The following BRCA1 variants were observed in gnomAD, a reference collection of about 807,000 sequenced individuals.
The protein encoded by BRCA1 is breast cancer type 1 susceptibility protein.
BRCA1 carries 140 observed loss-of-function variants against 173.7 expected under a neutral mutation model. That is an observed-to-expected ratio of 0.81 (90% CI 0.70 to 0.93). The LOEUF (loss-of-function observed/expected upper bound fraction) is 0.93. BRCA1 is among the 40% of genes least tolerant of loss of function. The probability of loss-of-function intolerance (pLI) is 0.00; values close to 1 mark genes in which losing one functional copy is unlikely to be tolerated. For missense variants in BRCA1, 1,983 were observed against 2,172.5 expected, an observed-to-expected ratio of 0.91 and a Z score of 1.73; for synonymous variants, 662 against 756.0, an observed-to-expected ratio of 0.88 and a Z score of 2.04.
At chr17:43,112,890 G>A (rs901755079) in intron 3 of BRCA1, among the ~76,000 whole-genome samples, 1 of 151,162 alleles carries the variant, frequency 6.6e-6, no homozygotes. Context: ...TGCAACCTCC[G>A]CCTCCCAGGT....
At chr17:43,168,584 A>G (rs534930622) in intron 1 of BRCA1, among the ~76,000 whole-genome samples, 2 of 152,362 alleles carry the variant, frequency 1.3e-5, no homozygotes, top group South Asian at 4.1e-4. Context: ...GGTTGCGGTG[A>G]GCCCAAATCA....
rs1347029221 is a variant in BRCA1 at position 43,045,052 on chromosome 17, C to A, written c.*626G>T. 1.9e-6 allele frequency: 1 copy of A among 514,004 alleles called. No individual in the cohort carries two copies. Among genetic ancestry groups the A allele is most frequent in the Non-Finnish European group, 3.8e-6 (1 of 263,700 alleles). 31.8% of individuals were successfully genotyped at this position (514,004 alleles called of 1,614,324 possible). Reference sequence around the variant, plus strand: ...CTCCTGACCTCCAGTGATCTGCCCACCTTGGCCTCCCAAAGTGCTGGGATT... The same window carrying A: ...CTCCTGACCTCCAGTGATCTGCCCAACTTGGCCTCCCAAAGTGCTGGGATT... On this transcript the variant is annotated 3_prime_UTR_variant, in exon 23 of 23. Coordinates refer to ENST00000357654, the MANE Select transcript of BRCA1 (RefSeq NM_007294.4).
chr17:43,101,257 C>T (rs776621395), intron 6 of BRCA1, among the ~76,000 whole-genome samples: 2 of 151,756 alleles, frequency 1.3e-5, no homozygotes, highest in Admixed American at 1.3e-4. Flanking sequence ...AGCGTGGTGG[C>T]GTGATCTCGG....
At chr17:43,073,160 G>A (rs1246921763) in intron 14 of BRCA1, among the ~76,000 whole-genome samples, 2 of 151,866 alleles carry the variant, frequency 1.3e-5, no homozygotes, top group Non-Finnish European at 2.9e-5. Context: ...AACAAGACCC[G>A]TGTCTAACCC....
intron 11 of BRCA1, among the ~76,000 whole-genome samples, chr17:43,084,320 A>G (rs2053145540): frequency 6.7e-6 from 1 of 150,220 alleles, no homozygotes; most frequent in Non-Finnish European, 1.5e-5. Flanking sequence ...GTGAGCCACC[A>G]CACCTGGCCT....
chr17:43,084,179 C>T (rs937991580), intron 11 of BRCA1, among the ~76,000 whole-genome samples: 5 of 152,040 alleles, frequency 3.3e-5, no homozygotes, highest in African/African-American at 2.4e-5. Context: ...TACAGGCGCC[C>T]GCCACCATGC....
intron 12 of BRCA1, among the ~76,000 whole-genome samples, chr17:43,080,313 T>C (rs2052945350): frequency 6.6e-6 from 1 of 152,286 alleles, no homozygotes; most frequent in Non-Finnish European, 1.5e-5. Context: ...CCAGGCACCG[T>C]AGCTCCCAAG....
At chr17:43,122,284 C>T (rs1215776284) in intron 2 of BRCA1, among the ~76,000 whole-genome samples, 2 of 152,116 alleles carry the variant, frequency 1.3e-5, no homozygotes, top group African/African-American at 4.8e-5. Flanking sequence ...GAATGTTACT[C>T]ACTACTAACC....
At chr17:43,119,179 T>A (rs1177483658) in intron 2 of BRCA1, 5 of 213,874 alleles carry the variant, frequency 2.3e-5, no homozygotes, top group Non-Finnish European at 4.7e-5. Flanking sequence ...TAGAAAAGGA[T>A]CACAAGGGCC....
At chr17:43,164,447 C>T (rs1175108599) in intron 1 of BRCA1, 1 of 152,090 alleles carries the variant, frequency 6.6e-6, no homozygotes, top group African/African-American at 2.4e-5. Flanking sequence ...TTGGCAAGTC[C>T]CCACAGGGTA....
chr17:43,076,397 G>A (rs2154054039), intron 13 of BRCA1, 91 bp downstream of exon 13: 1 of 1,509,886 alleles, frequency 6.6e-7, no homozygotes, highest in Non-Finnish European at 9.1e-7. Flanking sequence ...GCAAAAAACT[G>A]GAGAAAGTAT....
Position 43,104,191 on chromosome 17 carries a change from G to A in BRCA1, c.372C>T (p.Ile124=), listed in dbSNP as rs273900715. 1 of 1,613,782 alleles carries A rather than the reference G, an allele frequency of 6.2e-7. No individual in the cohort carries two copies. The highest frequency in any genetic ancestry group is 1.3e-5 in the African/African-American group (1 of 74,932). ...GGTTTCTGTAGCCCATACTTTGGAT[G>A]ATAGAAACTTCATCTTTTAGATGTT... is the stretch of plus-strand genomic sequence containing the variant. ...SPEHLKDEVS[I]IQSMGYRNRA... is the part of the protein sequence containing the mutation. The change falls in exon 6 of 23, where the codon ATC becomes ATT. Residue 124 remains isoleucine (I), a synonymous_variant. Transcript: ENST00000357654.
chr17:43,046,917 A>C (rs2050940680), intron 22 of BRCA1, among the ~76,000 whole-genome samples: 1 of 152,154 alleles, frequency 6.6e-6, no homozygotes, highest in African/African-American at 2.4e-5. Context: ...ACAGCACTGT[A>C]ATTTAACGAT....
chr17:43,058,822 A>T (rs570502555), intron 18 of BRCA1, among the ~76,000 whole-genome samples: 7 of 152,328 alleles, frequency 4.6e-5, no homozygotes, highest in South Asian at 2.1e-4. Flanking sequence ...GAGGTTTTTC[A>T]TAATTACTAT....
At chr17:43,089,783 G>T (rs376868298) in intron 11 of BRCA1, among the ~76,000 whole-genome samples, 18 of 151,938 alleles carry the variant, frequency 1.2e-4, no homozygotes, top group African/African-American at 4.3e-4. Context: ...GCTGAGGTGG[G>T]ATCACTTGAG....
intron 2 of BRCA1, among the ~76,000 whole-genome samples, chr17:43,122,137 G>C (rs942724035): frequency 6.6e-6 from 1 of 152,140 alleles, no homozygotes; most frequent in African/African-American, 2.4e-5. Flanking sequence ...GTATCGCTCT[G>C]AAAACACAAC....
rs1555581911 is a variant in BRCA1, at chr17:43,074,423, A to G, written c.4583T>C (p.Leu1528Pro). The stretch of plus-strand genomic sequence containing the variant: ...CTCCTCCACATCAACAACCTTAATG[A>G]GCTCCTCTTGAGATGGGTAGTTTCT... ...QNRNYPSQEE[L>P]IKVVDVEEQQ... is the part of the protein sequence containing the mutation. Residue 1528 changes from leucine to proline, a missense_variant, in exon 14 of 23, where the codon CTC (leucine) becomes CCC (proline). Coordinates refer to ENST00000357654, the MANE Select transcript of BRCA1 (RefSeq NM_007294.4). The G allele has an allele frequency of 6.2e-7, 1 of 1,614,122 alleles. No individual in the cohort carries two copies. Among genetic ancestry groups the G allele is most frequent in the Non-Finnish European group, 8.5e-7 (1 of 1,180,014 alleles).
rs1291470837 is a variant in BRCA1 at position 43,050,614 on chromosome 17, AAAAG to A, written c.5332+445_5332+448del. On this transcript the variant is annotated intron_variant, in intron 20 of 22. Transcript: ENST00000357654. ...GGCAACAGAGACTCGACCTCAAAAA[AAAAG>A]AAAAAAAAAAAGAAATGTTCACCGA... Among the ~76,000 whole-genome samples, 118 of 140,094 alleles carry A rather than the reference AAAAG, an allele frequency of 8.4e-4. 4 individuals carry two copies. Among genetic ancestry groups the A allele is most frequent in the Middle Eastern group, 3.6e-3 (1 of 276 alleles). 91.9% of individuals were successfully genotyped at this position (140,094 alleles called of 152,430 possible).
At chr17:43,124,436 GGTT>G (rs1296617819) in intron 1 of BRCA1, among the ~76,000 whole-genome samples, 6 of 152,016 alleles carry the variant, frequency 3.9e-5, no homozygotes, top group Admixed American at 6.6e-5. Context: ...CAATGTTTCT[GGTT>G]GTTTTCTTTT....
Sources: gnomAD v4.1 joint callset for allele counts (sites outside exome capture counted in the v4.1 genomes callset) on GRCh38, gnomAD v4.1.1 for gene constraint, MANE v1.5 for transcripts, NCBI Gene and HGNC (gene_info 2026-07-23, HGNC 2026-07-21) for gene names.